TCF20: variants seen among roughly 807,000 people sequenced by gnomAD.
TCF20 encodes transcription factor 20.
TCF20 carries 3 observed loss-of-function variants against 148.6 expected under a neutral mutation model. The observed-to-expected ratio is 0.02, with a 90% CI of 0.01 to 0.05. The LOEUF (loss-of-function observed/expected upper bound fraction) is 0.05, where lower values mean the gene tolerates loss of function less well. Ranked by LOEUF, TCF20 falls within the 10% of genes least tolerant of loss-of-function variation. The pLI, the probability that TCF20 is intolerant of heterozygous loss-of-function variation, is 1.00. For synonymous variants in TCF20, 1,049 were observed against 909.5 expected, an observed-to-expected ratio of 1.15 and a Z score of -2.76; for missense variants, 2,350 against 2,429.3, an observed-to-expected ratio of 0.97 and a Z score of 0.69.
At chr22:42,275,577 A>G (rs541389608), upstream of TCF20, among the ~76,000 whole-genome samples, 13 of 152,318 alleles carry the variant, frequency 8.5e-5, no homozygotes, top group Admixed American at 7.2e-4. Context: ...GGGAGGGGCC[A>G]GGTGAGCTGC....
At chr22:42,253,392 A>T (rs1360393349) in intron 1 of TCF20, among the ~76,000 whole-genome samples, 3 of 152,154 alleles carry the variant, frequency 2.0e-5, no homozygotes, top group Non-Finnish European at 4.4e-5. Flanking sequence ...GTATCAAAAT[A>T]TAGAAAAAAA....
chr22:42,225,343 G>A (rs376630314), intron 1 of TCF20, among the ~76,000 whole-genome samples: 47 of 151,808 alleles, frequency 3.1e-4, no homozygotes, highest in African/African-American at 9.7e-4. Flanking sequence ...GGCCGGGCGC[G>A]GTGGCTCACA....
chr22:42,167,072 G>T (rs1935831291), intron 5 of TCF20, among the ~76,000 whole-genome samples: 1 of 152,176 alleles, frequency 6.6e-6, no homozygotes, highest in African/African-American at 2.4e-5. Context: ...CGCTGATGGT[G>T]GCAATGTACT....
At chr22:42,206,926 A>G (rs113315188) in intron 2 of TCF20, among the ~76,000 whole-genome samples, 1 of 152,182 alleles carries the variant, frequency 6.6e-6, no homozygotes, top group African/African-American at 2.4e-5. Context: ...CTTGCAAGAT[A>G]AACTCATGAC....
At chr22:42,295,487 G>A (rs1159195924) in intron 1 of TCF20, among the ~76,000 whole-genome samples, 14 of 146,506 alleles carry the variant, frequency 9.6e-5, no homozygotes, top group East Asian at 4.0e-4. Context: ...CTTGTTGCCC[G>A]GGCTGGAGTG....
intron 1 of TCF20, among the ~76,000 whole-genome samples, chr22:42,314,849 C>T (rs746470174): frequency 5.9e-5 from 9 of 152,152 alleles, no homozygotes; most frequent in Non-Finnish European, 1.3e-4. Flanking sequence ...AAAACCTGGG[C>T]TCCAGAACCC....
intron 1 of TCF20, among the ~76,000 whole-genome samples, chr22:42,319,999 C>A (rs1286709268): frequency 6.6e-6 from 1 of 152,164 alleles, no homozygotes; most frequent in Non-Finnish European, 1.5e-5. Flanking sequence ...TACCCCAAGG[C>A]TCTGCTCTGC....
intron 3 of TCF20, among the ~76,000 whole-genome samples, chr22:42,176,746 G>C (rs568802701): frequency 6.6e-6 from 1 of 152,318 alleles, no homozygotes; most frequent in Admixed American, 6.5e-5. Context: ...GCCAGGCACG[G>C]AAAGTTAAAA....
At chr22:42,267,862 T>C (rs891227845) in intron 1 of TCF20, among the ~76,000 whole-genome samples, 1 of 152,192 alleles carries the variant, frequency 6.6e-6, no homozygotes, top group Admixed American at 6.5e-5. Context: ...AAAAGTGATC[T>C]AGCCCAGGCG....
rs1222747855 is a variant in TCF20, at chr22:42,213,000, G to C, written c.2306C>G (p.Ser769Cys). The part of the protein sequence containing the change: ...GYHHHPDRRY[S>C]RSTQEHQGMA... The stretch of plus-strand genomic sequence containing the variant: ...CCCCTGATGCTCTTGAGTACTCCTA[G>C]AATATCTCCTGTCAGGGTGGTGGTG... The change falls in exon 2 of 6, where the codon TCT (serine) becomes TGT (cysteine). Residue 769 changes from serine (S) to cysteine (C), a missense_variant. Around this residue, in one of 7 missense-constraint regions of TCF20, gnomAD observed 1,641 missense variants for 1,662.6 expected, o/e 0.99. Transcript: ENST00000677622. 1 of 1,613,972 alleles carries C rather than the reference G, an allele frequency of 6.2e-7. No homozygotes were observed. Among genetic ancestry groups the C allele is most frequent in the Non-Finnish European group, 8.5e-7 (1 of 1,180,016 alleles).
rs1927773240 is a variant in TCF20, at chr22:42,323,538, G to C, written c.-37+19941C>G. On this transcript the variant is annotated intron_variant, in intron 1 of 1. Transcript: ENST00000515426. ...TGGTCTCTAGGAGGAGGTGGCAGCTGACCCGAGCCATGCAGGGCTCCAAAG... is the reference window on the plus strand; with the variant it reads ...TGGTCTCTAGGAGGAGGTGGCAGCTCACCCGAGCCATGCAGGGCTCCAAAG... Among the ~76,000 whole-genome samples, 2 of 151,804 alleles carry C rather than the reference G, an allele frequency of 1.3e-5. 1 individual carries two copies. Among genetic ancestry groups the C allele is most frequent in the South Asian group, 4.1e-4 (2 of 4,822 alleles).
chr22:42,249,448 C>T (rs1344042177), intron 1 of TCF20, among the ~76,000 whole-genome samples: 1 of 152,230 alleles, frequency 6.6e-6, no homozygotes, highest in Non-Finnish European at 1.5e-5. Flanking sequence ...GTTCTTCTTA[C>T]TTTATTCTTT....
intron 1 of TCF20, among the ~76,000 whole-genome samples, chr22:42,295,001 G>A (rs1927204910): frequency 6.6e-6 from 1 of 152,176 alleles, no homozygotes; most frequent in Non-Finnish European, 1.5e-5. Flanking sequence ...CTGCCTAGAG[G>A]CAGGGGCCGC....
chr22:42,295,124 G>A (rs966455608), intron 1 of TCF20, among the ~76,000 whole-genome samples: 1 of 152,210 alleles, frequency 6.6e-6, no homozygotes, highest in African/African-American at 2.4e-5. Context: ...GGGCACAGGA[G>A]GAGAGAGGGT....
Position 42,191,848 on chromosome 22 carries a change from A to C in TCF20, c.5656-12146T>G, listed in dbSNP as rs151022506. ...GAATAAAAGCAGAGAACCTGAGAAA[A>C]GGCTGAACCCAGCAGGAGTAGGAGA... On this transcript the variant is annotated intron_variant, in intron 2 of 5. Coordinates refer to ENST00000677622, the MANE Select transcript of TCF20 (RefSeq NM_001378418.1). Among the ~76,000 whole-genome samples the C allele has an allele frequency of 2.8e-4, 43 of 152,340 alleles. No homozygotes were observed. The East Asian group carries it at 8.1e-3, about 29-fold the overall frequency.
intron 1 of TCF20, among the ~76,000 whole-genome samples, chr22:42,228,709 C>A (rs1022250548): frequency 6.6e-6 from 1 of 152,114 alleles, no homozygotes; most frequent in African/African-American, 2.4e-5. Flanking sequence ...ACAGCCAATG[C>A]GACAGGATCT....
intron 1 of TCF20, among the ~76,000 whole-genome samples, chr22:42,327,339 T>A (rs1927892889): frequency 6.6e-6 from 1 of 152,130 alleles, no homozygotes; most frequent in Admixed American, 6.5e-5. Context: ...GCCATGGCCC[T>A]CAGAAAACCC....
chr22:42,197,694 A>C (rs1466082981), intron 2 of TCF20, among the ~76,000 whole-genome samples: 1 of 152,234 alleles, frequency 6.6e-6, no homozygotes, highest in Non-Finnish European at 1.5e-5. Context: ...AGTTCCATAC[A>C]TCTCAATTTT....
At chr22:42,314,987 TTTTAAACTGGCTGTGC>T (rs1407408461) in intron 1 of TCF20, among the ~76,000 whole-genome samples, 2 of 152,064 alleles carry the variant, frequency 1.3e-5, no homozygotes. Context: ...GATGTTTTTG[TTTTAAACTGGCTGTGC>T]CTCCTTTAAA....
Sources: allele counts gnomAD v4.1 joint callset (sites outside exome capture counted in the v4.1 genomes callset), GRCh38; gene constraint gnomAD v4.1.1; regional missense constraint gnomAD v4.1.1; transcripts MANE v1.5; gene names NCBI Gene and HGNC (gene_info 2026-07-23, HGNC 2026-07-21).